Variants in ZFP14 observed in about 807,000 individuals in gnomAD.
ZFP14 encodes ZFP14 zinc finger protein.
In ZFP14, 22 loss-of-function variants were observed where a neutral mutation model predicts 54.5. The observed-to-expected ratio is 0.40, with a 90% confidence interval of 0.29 to 0.58. The LOEUF (loss-of-function observed/expected upper bound fraction) is 0.58, where lower values mean the gene tolerates loss of function less well. ZFP14 is among the 20% of genes least tolerant of loss of function. ZFP14 has a pLI of 0.39. For missense variants in ZFP14, 470 were observed against 637.8 expected (o/e 0.74, Z 2.83); for synonymous variants, 159 against 204.0 (o/e 0.78, Z 1.88).
At chr19:36,365,455 T>G (rs1234996249) in intron 2 of ZFP14, among the ~76,000 whole-genome samples, 1 of 152,074 alleles carries the variant, frequency 6.6e-6, no homozygotes, top group Non-Finnish European at 1.5e-5. Flanking sequence ...TGGAAAAGTG[T>G]TTCCAACAAG....
At chr19:36,370,421 G>A (rs1478528273) in intron 1 of ZFP14, among the ~76,000 whole-genome samples, 2 of 152,220 alleles carry the variant, frequency 1.3e-5, no homozygotes, top group Non-Finnish European at 2.9e-5. Context: ...TCTGGCATCA[G>A]GAAAGATCAT....
chr19:36,360,347 C>T (rs148185881), intron 4 of ZFP14, 88 bp downstream of exon 4: 3 of 1,157,066 alleles, frequency 2.6e-6, no homozygotes, highest in Middle Eastern at 2.1e-4. Context: ...AGAGAGACCC[C>T]AACATCTCAA....
chr19:36,354,123 A>G lies in ZFP14; in HGVS notation c.235+6312T>C, dbSNP rs2145550453. On this transcript the variant is annotated intron_variant, in intron 4 of 4. Transcript: ENST00000270001. Reference sequence around the variant, plus strand: ...CACAGTGGCTCATATCTGTAATCCCAACACTTTGGGAGGCCGAGGCAGGTA... The same window carrying G: ...CACAGTGGCTCATATCTGTAATCCCGACACTTTGGGAGGCCGAGGCAGGTA... Among the ~76,000 whole-genome samples, 2 of 136,914 alleles carry G rather than the reference A, an allele frequency of 1.5e-5. 1 individual carries two copies. The highest frequency in any genetic ancestry group is 3.2e-5 in the Non-Finnish European group (2 of 62,570). 89.8% of individuals were successfully genotyped at this position (136,914 alleles called of 152,430 possible).
At chr19:36,370,921 G>A (rs909323125) in intron 1 of ZFP14, among the ~76,000 whole-genome samples, 6 of 152,212 alleles carry the variant, frequency 3.9e-5, no homozygotes, top group African/African-American at 1.4e-4. Context: ...AACATAAAGT[G>A]CCAGTGATTG....
At chr19:36,362,083 C>T (rs1318046884) in intron 3 of ZFP14, 29 bp downstream of exon 3, 3 of 1,569,918 alleles carry the variant, frequency 1.9e-6, no homozygotes, top group Middle Eastern at 1.7e-4. Context: ...GCAGAGAAAG[C>T]TAATATCATT....
chr19:36,342,106 C>T (rs1454384229), intron 4 of ZFP14, among the ~76,000 whole-genome samples: 2 of 151,598 alleles, frequency 1.3e-5, no homozygotes, highest in Admixed American at 6.6e-5. Flanking sequence ...CCACCCACCT[C>T]GGCCTCCCAA....
At chr19:36,347,032 A>C (rs1030607544) in intron 4 of ZFP14, among the ~76,000 whole-genome samples, 1 of 152,214 alleles carries the variant, frequency 6.6e-6, no homozygotes, top group African/African-American at 2.4e-5. Flanking sequence ...CTGCATGCTC[A>C]GGAACTATCT....
chr19:36,374,156 C>T (rs1242430764), intron 1 of ZFP14, among the ~76,000 whole-genome samples: 1 of 152,076 alleles, frequency 6.6e-6, no homozygotes, highest in African/African-American at 2.4e-5. Flanking sequence ...ATCAGAAGCT[C>T]CACTTCTGAC....
intron 2 of ZFP14, among the ~76,000 whole-genome samples, chr19:36,362,527 T>C (rs1172237932): frequency 6.6e-6 from 1 of 152,176 alleles, no homozygotes; most frequent in Non-Finnish European, 1.5e-5. Context: ...AATGAAATAG[T>C]GCACGCAAGC....
intron 4 of ZFP14, 87 bp downstream of exon 4, chr19:36,360,348 A>G: frequency 8.5e-7 from 1 of 1,170,294 alleles, no homozygotes; most frequent in East Asian, 2.6e-5. Context: ...GAGAGACCCC[A>G]ACATCTCAAG....
intron 4 of ZFP14, among the ~76,000 whole-genome samples, chr19:36,351,623 G>A (rs1292145332): frequency 7.0e-6 from 1 of 143,504 alleles, no homozygotes; most frequent in Non-Finnish European, 1.5e-5. Flanking sequence ...TACTTTGGGA[G>A]GCTGAGACAG....
Position 36,341,460 on chromosome 19 carries a change from A to G in ZFP14, c.366T>C (p.Asp122=). ...CCTCAATCTTGCTTTTGCATTCCCA[A>G]TCATTCCTAAAAATGGAACCCTGAA... The part of the protein sequence containing the change: ...YSLQGSIFRN[D]WECKSKIEGE... The change falls in exon 5 of 5, where the codon GAT becomes GAC. Residue 122 remains aspartate, a synonymous_variant. Transcript: ENST00000270001. The surrounding 1 kb of genome is among the most constrained non-coding windows in gnomAD (Gnocchi z 4.2). 12 of 1,614,072 alleles carry G rather than the reference A, an allele frequency of 7.4e-6. No homozygotes were observed. The highest frequency in any genetic ancestry group is 9.3e-6 in the Non-Finnish European group (11 of 1,180,022).
intron 4 of ZFP14, among the ~76,000 whole-genome samples, chr19:36,355,000 A>C (rs1361310397): frequency 7.1e-6 from 1 of 141,836 alleles, no homozygotes; most frequent in Non-Finnish European, 1.6e-5. Context: ...ACTTGTCCCT[A>C]CCTAATATTA....
At chr19:36,377,385 A>G (rs1019227001) in intron 1 of ZFP14, among the ~76,000 whole-genome samples, 5 of 152,008 alleles carry the variant, frequency 3.3e-5, no homozygotes, top group African/African-American at 1.2e-4. Flanking sequence ...CCTCATTTCT[A>G]CAAAAAAATT....
Position 36,340,427 on chromosome 19 carries a change from G to C in ZFP14, c.1399C>G (p.Leu467Val). ...CRKPFRLLSQLTQHQSIHTGE... is the reference protein window; with the variant it reads ...CRKPFRLLSQVTQHQSIHTGE... ...GTGTGAATACTCTGATGTTGGGTAA[G>C]TTGTGAGAGCAGTCTAAAAGGTTTT... The change falls in exon 5 of 5, where the codon CTT becomes GTT. Residue 467 changes from leucine to valine, a missense_variant. Coordinates refer to ENST00000270001, the MANE Select transcript of ZFP14 (RefSeq NM_020917.3). This position sits in a 1 kb window ranked among gnomAD's most constrained non-coding sequence, Gnocchi z 5.4. 6.2e-7 allele frequency: 1 copy of C among 1,614,138 alleles called. No homozygotes were observed. The highest frequency in any genetic ancestry group is 8.5e-7 in the Non-Finnish European group (1 of 1,180,014).
intron 4 of ZFP14, among the ~76,000 whole-genome samples, chr19:36,343,387 G>A (rs144238391): frequency 1.3e-5 from 2 of 151,298 alleles, no homozygotes; most frequent in African/African-American, 4.9e-5. Context: ...CTCTTTCAAC[G>A]CACAAAATGC....
At chr19:36,349,243 C>A (rs4806323) in intron 4 of ZFP14, among the ~76,000 whole-genome samples, 37,357 of 47,776 alleles carry the variant, frequency 0.78, 13,604 homozygotes, top group Middle Eastern at 0.87. Flanking sequence ...AAAAAAAAAA[C>A]AAAAAAAAAA....
chr19:36,368,112 CACT>C (rs1334839176), intron 1 of ZFP14, 141 bp from the exon 2 acceptor site: 21 of 508,116 alleles, frequency 4.1e-5, no homozygotes, highest in Non-Finnish European at 6.7e-5. Context: ...TACCACCCAC[CACT>C]ATGCCCATCC....
intron 4 of ZFP14, among the ~76,000 whole-genome samples, chr19:36,351,146 C>T (rs1453416666): frequency 7.0e-6 from 1 of 143,192 alleles, no homozygotes; most frequent in Non-Finnish European, 1.6e-5. Flanking sequence ...AAAAAAAATT[C>T]ACTACTTATT....
Sources: gnomAD v4.1 joint callset for allele counts (sites outside exome capture counted in the v4.1 genomes callset) on GRCh38, gnomAD v4.1.1 for gene constraint, Gnocchi (gnomAD v3.1) non-coding constraint, MANE v1.5 for transcripts, NCBI Gene and HGNC (gene_info 2026-07-23, HGNC 2026-07-21) for gene names.